Variants in FRY observed in about 807,000 individuals in gnomAD.
FRY encodes FRY microtubule binding protein.
Under a neutral mutation model 348.4 loss-of-function variants are expected in FRY, and 128 were observed. That is an observed-to-expected ratio of 0.37 (90% CI 0.32 to 0.43). The LOEUF (loss-of-function observed/expected upper bound fraction) is 0.43, where lower values mean the gene tolerates loss of function less well. FRY is among the 20% of genes least tolerant of loss of function. The probability of loss-of-function intolerance (pLI) is 1.00; values close to 1 mark genes in which losing one functional copy is unlikely to be tolerated. For synonymous variants in FRY, 1,370 were observed against 1,374.7 expected (o/e 1.00, Z 0.08); for missense variants, 2,736 against 3,695.2 (o/e 0.74, Z 6.73).
chr13:32,173,543 G>C lies in FRY; in HGVS notation c.2328G>C (p.Gln776His), dbSNP rs1162899319. The C allele has an allele frequency of 6.2e-7, 1 of 1,611,188 alleles. No individual in the cohort carries two copies. Among genetic ancestry groups the C allele is most frequent in the South Asian group, 1.1e-5 (1 of 90,988 alleles). The stretch of plus-strand genomic sequence containing the variant: ...GAGCGTTGTTTATTGCCCTGGGGCA[G>C]CCTGAGGTATGGATTAGTCTTCTGA... ...EIRALFIALG[Q>H]PEDDDRPMID... The change falls in exon 19 of 61, where the codon CAG becomes CAC. Residue 776 changes from glutamine to histidine, a missense_variant. This residue lies in a region of FRY where 449 missense variants were observed against 576.9 expected (regional missense o/e 0.78). Transcript: ENST00000542859.
chr13:32,053,643 A>G (rs1001513238), intron 1 of FRY, among the ~76,000 whole-genome samples: 5 of 152,222 alleles, frequency 3.3e-5, no homozygotes, highest in African/African-American at 1.2e-4. Flanking sequence ...TTAAGTGCAC[A>G]TGCGTCCCTG....
In FRY at chr13:32,046,222, C is replaced by T. The variant is rs1462739687; in HGVS notation, c.70+14357C>T. 2.6e-5 allele frequency among the ~76,000 whole-genome samples: 4 copies of T among 152,144 alleles called. No homozygotes were observed. The East Asian group carries it at 7.7e-4, about 29-fold the overall frequency. The stretch of plus-strand genomic sequence containing the variant: ...TTGTGGATACTGTTCCTAGGACATC[C>T]CTCTCCATTTCAGTCTATGTCTGAC... On this transcript the variant is annotated intron_variant, in intron 1 of 60. Transcript: ENST00000542859.
chr13:32,202,580 A>G (rs1368867660), intron 31 of FRY, 53 bp downstream of exon 31: 2 of 1,343,698 alleles, frequency 1.5e-6, no homozygotes, highest in Admixed American at 3.4e-5. Flanking sequence ...ATAATGACGT[A>G]TGTGATCATT....
chr13:32,187,717 T>C, intron 28 of FRY, 61 bp downstream of exon 28: 4 of 881,158 alleles, frequency 4.5e-6, no homozygotes, highest in Non-Finnish European at 7.8e-6. Context: ...TCAGTTGAGT[T>C]ACTGAGATGT....
rs115212790 is a variant in FRY at position 32,198,259 on chromosome 13, G to A, written c.3747-3682G>A. 8.6e-3 allele frequency among the ~76,000 whole-genome samples: 1,302 copies of A among 152,224 alleles called. 21 individuals carry two copies. Among genetic ancestry groups the A allele is most frequent in the African/African-American group, 0.03 (1,254 of 41,520 alleles). On this transcript the variant is annotated intron_variant, in intron 29 of 60. Coordinates refer to ENST00000542859, the MANE Select transcript of FRY (RefSeq NM_023037.3). ...CCTTTCCTGCCTTTAAATCTCCAGC[G>A]ATCCAGCAATATATTTGGCTCATAT...
intron 55 of FRY, among the ~76,000 whole-genome samples, chr13:32,269,722 A>G (rs1014527185): frequency 1.3e-5 from 2 of 152,132 alleles, no homozygotes; most frequent in African/African-American, 4.8e-5. Flanking sequence ...ATAACTTATT[A>G]ATCTGTTATT....
rs770263930 is a variant in FRY, at chr13:32,171,069, T to C, written c.1950T>C (p.Gly650=). 6.2e-7 allele frequency: 1 copy of C among 1,611,664 alleles called. No individual in the cohort carries two copies. Among genetic ancestry groups the C allele is most frequent in the Admixed American group, 1.7e-5 (1 of 60,004 alleles). The stretch of plus-strand genomic sequence containing the variant: ...ATATTGCACAAAATTCTCTTCAGGG[T>C]TTACTTGTTGACTTCTCAGATTGGA... ...LRHIAQNSLQ[G]LLVDFSDWRE... Residue 650 remains glycine, a synonymous_variant, in exon 18 of 61, where the codon GGT becomes GGC. Transcript: ENST00000542859.
chr13:32,125,268 T>C (rs1878950227), intron 7 of FRY, among the ~76,000 whole-genome samples: 1 of 152,222 alleles, frequency 6.6e-6, no homozygotes, highest in South Asian at 2.1e-4. Flanking sequence ...TCCCCTTTAC[T>C]ATAGACCTTA....
At chr13:32,213,432 C>A (rs1884798766) in intron 35 of FRY, among the ~76,000 whole-genome samples, 1 of 152,182 alleles carries the variant, frequency 6.6e-6, no homozygotes, top group Non-Finnish European at 1.5e-5. Context: ...AGACTAAAAG[C>A]CCAAACCCAG....
At chr13:32,249,471 T>A (rs1886965725) in intron 48 of FRY, 55 bp from the exon 49 acceptor site, 1 of 1,596,038 alleles carries the variant, frequency 6.3e-7, no homozygotes, top group Non-Finnish European at 8.6e-7. Context: ...GAGAAGGGTT[T>A]CATATATCAC....
At chr13:32,086,280 C>G (rs1875855331) in intron 2 of FRY, among the ~76,000 whole-genome samples, 1 of 152,184 alleles carries the variant, frequency 6.6e-6, no homozygotes, top group Non-Finnish European at 1.5e-5. Context: ...GACCAATACA[C>G]AAGAAAATTG....
chr13:32,251,449 A>G (rs1386616253), intron 49 of FRY, among the ~76,000 whole-genome samples: 2 of 152,210 alleles, frequency 1.3e-5, no homozygotes, highest in African/African-American at 4.8e-5. Context: ...TGAAAGTTTA[A>G]CATATAAGAA....
chr13:32,295,827 T>C lies in FRY; in HGVS notation c.*367T>C, dbSNP rs2072052750. ...TTAGATTGGCAAAAGTGCAATGTTTTCTTCACTCAAAAAATTTTATATTCT... is the reference window on the plus strand; with the variant it reads ...TTAGATTGGCAAAAGTGCAATGTTTCCTTCACTCAAAAAATTTTATATTCT... On this transcript the variant is annotated 3_prime_UTR_variant, in exon 61 of 61. Transcript: ENST00000542859. 8.6e-6 allele frequency: 2 copies of C among 233,282 alleles called. No homozygotes were observed. The highest frequency in any genetic ancestry group is 1.7e-5 in the Non-Finnish European group (2 of 118,384). The allele number at this position is 233,282 out of a possible 1,614,324, so 14.5% of individuals were successfully genotyped here.
chr13:32,224,405 A>G lies in FRY; in HGVS notation c.4916+20A>G. On this transcript the variant is annotated intron_variant, in intron 37 of 60. Coordinates refer to ENST00000542859, the MANE Select transcript of FRY (RefSeq NM_023037.3). ...CCACAGGTGAGCAGCATGTGTGGGG[A>G]GAAGGAAATCTTAGCTTTGACTGGA... The G allele has an allele frequency of 6.2e-7, 1 of 1,611,554 alleles. No homozygotes were observed. Among genetic ancestry groups the G allele is most frequent in the Non-Finnish European group, 8.5e-7 (1 of 1,178,426 alleles).
Position 32,295,720 on chromosome 13 carries a change from G to A in FRY, c.*260G>A. On this transcript the variant is annotated 3_prime_UTR_variant, in exon 61 of 61. Coordinates refer to ENST00000542859, the MANE Select transcript of FRY (RefSeq NM_023037.3). ...ATGTGTTACATTTGACCGAGCATATGCAACTCGCTACTGAAGAAGTGACTT... is the reference window on the plus strand; with the variant it reads ...ATGTGTTACATTTGACCGAGCATATACAACTCGCTACTGAAGAAGTGACTT... The A allele has an allele frequency of 1.8e-6, 1 of 557,954 alleles. No individual in the cohort carries two copies. Among genetic ancestry groups the A allele is most frequent in the Non-Finnish European group, 3.2e-6 (1 of 310,774 alleles). The allele number at this position is 557,954 out of a possible 1,614,324, so 34.6% of individuals were successfully genotyped here. A position where few individuals can be genotyped will look rare whatever the true frequency, so the allele number is the denominator to read the frequency against.
Position 32,251,741 on chromosome 13 carries a change from T to G in FRY, c.7171-137T>G, listed in dbSNP as rs1389172963. 2.3e-5 allele frequency: 16 copies of G among 689,690 alleles called. No individual in the cohort carries two copies. The East Asian group carries it at 4.1e-4, about 18-fold the overall frequency. 42.7% of individuals were successfully genotyped at this position (689,690 alleles called of 1,614,324 possible). On this transcript the variant is annotated intron_variant, in intron 49 of 60. Transcript: ENST00000542859. ...TTTAATTGCTATTTGTGTTCTTTTT[T>G]CATACTTTTGTGTATTTTACATTTC...
chr13:32,175,036 A>G (rs899904422), intron 19 of FRY, among the ~76,000 whole-genome samples: 1 of 152,166 alleles, frequency 6.6e-6, no homozygotes, highest in Non-Finnish European at 1.5e-5. Flanking sequence ...TGCATCTTGT[A>G]TCAAATAGTT....
At chr13:32,092,490 G>A (rs1259620751) in intron 2 of FRY, among the ~76,000 whole-genome samples, 1 of 152,152 alleles carries the variant, frequency 6.6e-6, no homozygotes, top group Non-Finnish European at 1.5e-5. Context: ...GCTTTCCTCG[G>A]CCCTTCTTAG....
intron 33 of FRY, among the ~76,000 whole-genome samples, chr13:32,210,401 G>A (rs1566135721): frequency 6.6e-6 from 1 of 152,184 alleles, no homozygotes; most frequent in Non-Finnish European, 1.5e-5. Flanking sequence ...CAATAATGTG[G>A]AGCTTTAATC....
Sources: gnomAD v4.1 joint callset for allele counts (sites outside exome capture counted in the v4.1 genomes callset) on GRCh38, gnomAD v4.1.1 for gene constraint, gnomAD v4.1.1 regional missense constraint, MANE v1.5 for transcripts, NCBI Gene and HGNC (gene_info 2026-07-23, HGNC 2026-07-21) for gene names.